The following CNTN4 variants were observed in gnomAD, a reference collection of about 807,000 sequenced individuals.
The protein encoded by CNTN4 is contactin 4.
In CNTN4, 77 loss-of-function variants were observed where a neutral mutation model predicts 122.5. The ratio of observed to expected loss-of-function variants is 0.63; its 90% CI spans 0.52 to 0.76. The LOEUF (loss-of-function observed/expected upper bound fraction) is 0.76, where lower values mean the gene tolerates loss of function less well. Among genes scored for constraint, CNTN4 ranks in the 30% least tolerant of loss-of-function variants. The pLI is 0.00. For missense variants in CNTN4, 1,256 were observed against 1,259.1 expected (o/e 1.00, Z 0.04); for synonymous variants, 512 against 447.0 (o/e 1.15, Z -1.83).
intron 2 of CNTN4, among the ~76,000 whole-genome samples, chr3:2,168,975 A>C (rs1029552882): frequency 3.9e-5 from 6 of 152,238 alleles, no homozygotes; most frequent in African/African-American, 1.4e-4. Context: ...TTCCTAGTTA[A>C]GTGCTGAAGC....
At chr3:2,932,760 A>G (rs2094532608) in intron 13 of CNTN4, among the ~76,000 whole-genome samples, 1 of 152,000 alleles carries the variant, frequency 6.6e-6, no homozygotes, top group Non-Finnish European at 1.5e-5. Flanking sequence ...AGAGAGAAAA[A>G]AAAGGAGGGA....
chr3:2,560,291 C>T (rs1308589344), intron 3 of CNTN4, among the ~76,000 whole-genome samples: 2 of 152,054 alleles, frequency 1.3e-5, no homozygotes, highest in South Asian at 2.1e-4. Context: ...CAGGAGTGCA[C>T]CATCACACCC....
chr3:2,542,357 T>A (rs562460288), intron 3 of CNTN4, among the ~76,000 whole-genome samples: 2 of 152,174 alleles, frequency 1.3e-5, no homozygotes, highest in South Asian at 4.2e-4. Context: ...AAAGGTTTGA[T>A]TGTGAGTTGT....
chr3:2,887,279 G>A (rs1024885097), intron 10 of CNTN4, 55 bp downstream of exon 10: 2 of 1,528,738 alleles, frequency 1.3e-6, no homozygotes, highest in African/African-American at 1.4e-5. Context: ...TCCTGATATT[G>A]AAATCATAAG....
At chr3:2,533,598 G>A (rs910324688) in intron 3 of CNTN4, among the ~76,000 whole-genome samples, 18 of 152,138 alleles carry the variant, frequency 1.2e-4, no homozygotes, top group Non-Finnish European at 2.2e-4. Context: ...ATAAACATAT[G>A]TGTGCATGTA....
At chr3:2,972,242 A>C (rs577083081) in intron 13 of CNTN4, among the ~76,000 whole-genome samples, 1 of 152,164 alleles carries the variant, frequency 6.6e-6, no homozygotes, top group Non-Finnish European at 1.5e-5. Context: ...ATTTTCTTAT[A>C]TAGCACTGTA....
chr3:2,390,559 AT>A (rs2046407679), intron 3 of CNTN4, among the ~76,000 whole-genome samples: 1 of 152,106 alleles, frequency 6.6e-6, no homozygotes. Flanking sequence ...GAAGACTTGT[AT>A]TTTTCCTGTT....
At chr3:2,968,460 G>T (rs1692548138) in intron 13 of CNTN4, among the ~76,000 whole-genome samples, 1 of 152,218 alleles carries the variant, frequency 6.6e-6, no homozygotes, top group Non-Finnish European at 1.5e-5. Context: ...TTTGGTTGAT[G>T]CACTCGACCA....
At chr3:2,478,996 G>A (rs1054562788) in intron 3 of CNTN4, among the ~76,000 whole-genome samples, 1 of 152,112 alleles carries the variant, frequency 6.6e-6, no homozygotes, top group African/African-American at 2.4e-5. Context: ...ACCAATGAGA[G>A]AAGCTTATCT....
chr3:2,541,586 C>T lies in CNTN4; in HGVS notation c.-88-29830C>T, dbSNP rs540232297. ...ACTGTTCATGACACTGTTTATCCTA[C>T]ATTTGTCACATATCATTTTCTCAGG... On this transcript the variant is annotated intron_variant, in intron 3 of 24. Transcript: ENST00000418658. Among the ~76,000 whole-genome samples the T allele has an allele frequency of 5.3e-5, 8 of 152,196 alleles. No homozygotes were observed. The South Asian group carries it at 1.2e-3, about 24-fold the overall frequency.
At chr3:2,800,150 T>G (rs2092313556) in intron 6 of CNTN4, among the ~76,000 whole-genome samples, 1 of 151,884 alleles carries the variant, frequency 6.6e-6, no homozygotes, top group African/African-American at 2.4e-5. Flanking sequence ...GGTTCCACAT[T>G]AATTTTAAGA....
At chr3:2,327,719 A>C (rs1229806753) in intron 2 of CNTN4, among the ~76,000 whole-genome samples, 1 of 152,144 alleles carries the variant, frequency 6.6e-6, no homozygotes, top group Non-Finnish European at 1.5e-5. Context: ...CTTCCTCCAA[A>C]TGCCAGAATA....
chr3:2,924,941 T>TA (rs76179769), intron 12 of CNTN4, among the ~76,000 whole-genome samples: 20 of 150,468 alleles, frequency 1.3e-4, no homozygotes, highest in South Asian at 4.2e-4. Context: ...CCTACACAAT[T>TA]AAAAAAAAAA....
chr3:2,271,134 T>G (rs560266492), intron 2 of CNTN4, among the ~76,000 whole-genome samples: 1 of 131,138 alleles, frequency 7.6e-6, no homozygotes, highest in East Asian at 2.0e-4. Flanking sequence ...ATAAAACTCT[T>G]TAGAATTAAC....
At chr3:2,874,810 C>T (rs4685574) in intron 8 of CNTN4, among the ~76,000 whole-genome samples, 38,096 of 151,950 alleles carry the variant, frequency 0.25, 4,841 homozygotes, top group Middle Eastern at 0.35. Context: ...TTCCAGGCAG[C>T]AGGCAGATTA....
intron 4 of CNTN4, among the ~76,000 whole-genome samples, chr3:2,583,951 T>A (rs564346590): frequency 1.3e-5 from 2 of 152,288 alleles, no homozygotes; most frequent in African/African-American, 4.8e-5. Context: ...CAGAAGCTAC[T>A]GCCTTGGTAC....
intron 4 of CNTN4, among the ~76,000 whole-genome samples, chr3:2,666,881 G>A (rs1347803758): frequency 6.6e-6 from 1 of 151,726 alleles, no homozygotes; most frequent in Admixed American, 6.6e-5. Context: ...GAGAATGATG[G>A]TTTCCAGCTT....
intron 4 of CNTN4, among the ~76,000 whole-genome samples, chr3:2,581,760 C>CAAT (rs1411459446): frequency 6.6e-6 from 1 of 152,102 alleles, no homozygotes; most frequent in Non-Finnish European, 1.5e-5. Flanking sequence ...AAATGTCTAT[C>CAAT]AATTGATAAA....
At chr3:2,141,186 C>T (rs1217155889) in intron 2 of CNTN4, among the ~76,000 whole-genome samples, 1 of 152,152 alleles carries the variant, frequency 6.6e-6, no homozygotes, top group Non-Finnish European at 1.5e-5. Context: ...TGCCAGTGTC[C>T]TAATCTCTAG....
Sources: gnomAD v4.1 joint callset for allele counts (sites outside exome capture counted in the v4.1 genomes callset) on GRCh38, gnomAD v4.1.1 for gene constraint, MANE v1.5 for transcripts, NCBI Gene and HGNC (gene_info 2026-07-23, HGNC 2026-07-21) for gene names.